NWD1: variants seen among roughly 807,000 people sequenced by gnomAD.
NWD1 encodes NACHT and WD repeat domain containing 1.
Under a neutral mutation model 135.1 loss-of-function variants are expected in NWD1, and 129 were observed. The ratio of observed to expected loss-of-function variants is 0.96; its 90% CI spans 0.83 to 1.11. NWD1 has a LOEUF of 1.11. Among genes scored for constraint, NWD1 ranks in the 50% least tolerant of loss-of-function variants. NWD1 has a pLI of 0.00. For missense variants in NWD1, 1,740 were observed against 1,851.3 expected, an observed-to-expected ratio of 0.94 and a Z score of 1.10; for synonymous variants, 773 against 786.0, an observed-to-expected ratio of 0.98 and a Z score of 0.28.
At position 16,768,149 on chromosome 19, in the gene NWD1, C is replaced by A. The variant is rs111535870; in HGVS notation, c.2410+2957C>A. Among the ~76,000 whole-genome samples, 1,207 of 152,032 alleles carry A rather than the reference C, an allele frequency of 7.9e-3. 12 individuals are homozygous for A. Among genetic ancestry groups the A allele is most frequent in the Non-Finnish European group, 9.8e-3 (668 of 67,968 alleles). ...AGCTGGGATTACAGGTGTGTGCCAC[C>A]ACATGCAGCTAATTTTTGTATTTTT... On this transcript the variant is annotated intron_variant, in intron 10 of 18. Coordinates refer to ENST00000524140, the MANE Select transcript of NWD1 (RefSeq NM_001007525.5).
chr19:16,738,405 C>G (rs1967924663), intron 4 of NWD1: 1 of 245,902 alleles, frequency 4.1e-6, no homozygotes, highest in Admixed American at 4.9e-5. Flanking sequence ...CCCATCTCTA[C>G]TAAAAATACA....
intron 4 of NWD1, among the ~76,000 whole-genome samples, chr19:16,739,351 AAAAAT>A (rs1392939008): frequency 3.3e-5 from 5 of 151,310 alleles, no homozygotes; most frequent in African/African-American, 1.2e-4. Flanking sequence ...AAAAAAAAAA[AAAAAT>A]TATTTTTTTA....
chr19:16,795,814 G>T (rs1383533718), intron 15 of NWD1, among the ~76,000 whole-genome samples: 1 of 152,104 alleles, frequency 6.6e-6, no homozygotes, highest in African/African-American at 2.4e-5. Context: ...GCAGTTCTGG[G>T]ACTGGCTTGG....
chr19:16,782,844 T>C (rs1206822310), intron 12 of NWD1, among the ~76,000 whole-genome samples: 1 of 137,412 alleles, frequency 7.3e-6, no homozygotes, highest in Non-Finnish European at 1.5e-5. Context: ...TGTGTTTCTT[T>C]TTCTTTCTTC....
At chr19:16,725,247 G>C (rs772755053) in intron 2 of NWD1, among the ~76,000 whole-genome samples, 1 of 151,370 alleles carries the variant, frequency 6.6e-6, no homozygotes, top group Non-Finnish European at 1.5e-5. Flanking sequence ...CAAATGATTC[G>C]CCTGTCTTGG....
intron 5 of NWD1, among the ~76,000 whole-genome samples, chr19:16,745,916 CTAAATAAATAAATTAATTAAT>C (rs1759096197): frequency 6.6e-6 from 1 of 151,928 alleles, no homozygotes; most frequent in South Asian, 2.1e-4. Flanking sequence ...GACCCTGTCT[CTAAATAAATAAATTAATTAAT>C]TAAATAAAAT....
Position 16,763,890 on chromosome 19 carries a change from G to A in NWD1, c.2196G>A (p.Leu732=), listed in dbSNP as rs567440214. 4 of 1,614,074 alleles carry A rather than the reference G, an allele frequency of 2.5e-6. No homozygotes were observed. The highest frequency in any genetic ancestry group is 2.2e-5 in the South Asian group (2 of 91,082). Residue 732 remains leucine (L), a synonymous_variant, in exon 9 of 19, where the codon TTG becomes TTA. Transcript: ENST00000524140. ...CAAACCTGCGGAAGCTGAAGGAGTT[G>A]CCCTATCACCTGCTTCACTCGGGCC... ...TVANLRKLKE[L]PYHLLHSGRL...
At chr19:16,776,904 T>C (rs1381226442) in intron 11 of NWD1, among the ~76,000 whole-genome samples, 21 of 134,836 alleles carry the variant, frequency 1.6e-4, no homozygotes, top group Non-Finnish European at 2.5e-4. Flanking sequence ...ATTGTGGCAC[T>C]GCACTCCAGC....
intron 1 of NWD1, among the ~76,000 whole-genome samples, chr19:16,723,855 C>T (rs749085477): frequency 1.3e-5 from 2 of 151,972 alleles, no homozygotes; most frequent in Non-Finnish European, 2.9e-5. Flanking sequence ...ACCGTCATGC[C>T]CGGCTAATTT....
chr19:16,814,654 A>G (rs1008962783), intron 18 of NWD1, among the ~76,000 whole-genome samples: 2 of 152,252 alleles, frequency 1.3e-5, no homozygotes, highest in Non-Finnish European at 2.9e-5. Flanking sequence ...GTATAAAGTT[A>G]CAGATGGCTC....
intron 10 of NWD1, among the ~76,000 whole-genome samples, chr19:16,767,252 T>G (rs1969256907): frequency 1.5e-5 from 2 of 136,410 alleles, no homozygotes; most frequent in Non-Finnish European, 3.1e-5. Context: ...CGATCTCGGC[T>G]CACTGCAAGC....
Position 16,804,451 on chromosome 19 carries a change from C to T in NWD1, c.3737-3135C>T, listed in dbSNP as rs148036796. On this transcript the variant is annotated intron_variant, in intron 17 of 18. Transcript: ENST00000524140. ...CTCTACAAAAAAATTTAAAAGGTAT[C>T]GGGCTTGGTGGTACATGCCTGTAGT... Among the ~76,000 whole-genome samples the T allele has an allele frequency of 5.9e-5, 9 of 151,968 alleles. No homozygotes were observed. The East Asian group carries it at 1.7e-3, about 29-fold the overall frequency.
At chr19:16,746,598 G>A (rs1006978814) in intron 5 of NWD1, among the ~76,000 whole-genome samples, 2 of 151,936 alleles carry the variant, frequency 1.3e-5, no homozygotes, top group East Asian at 1.9e-4. Flanking sequence ...ACTTGAACCC[G>A]GGAGGCAGCG....
At chr19:16,782,550 C>A (rs1024862044) in intron 12 of NWD1, among the ~76,000 whole-genome samples, 1 of 151,960 alleles carries the variant, frequency 6.6e-6, no homozygotes, top group Non-Finnish European at 1.5e-5. Flanking sequence ...ATGACATATT[C>A]AAATTTTTAA....
chr19:16,784,352 C>T (rs1369691295), intron 12 of NWD1, among the ~76,000 whole-genome samples: 1 of 151,938 alleles, frequency 6.6e-6, no homozygotes, highest in Non-Finnish European at 1.5e-5. Context: ...GGTAACACAG[C>T]CAGACCCGTA....
At chr19:16,726,672 C>G (rs915319439) in intron 2 of NWD1, among the ~76,000 whole-genome samples, 6 of 152,172 alleles carry the variant, frequency 3.9e-5, no homozygotes, top group Admixed American at 6.6e-5. Flanking sequence ...CTCCTAACCT[C>G]AAGTGATCCA....
intron 4 of NWD1, among the ~76,000 whole-genome samples, chr19:16,743,062 G>A (rs529288303): frequency 2.0e-5 from 3 of 150,934 alleles, no homozygotes; most frequent in Admixed American, 6.6e-5. Context: ...ACACCTGCAC[G>A]CCACCATGCC....
chr19:16,783,400 C>T (rs1030896616), intron 12 of NWD1, among the ~76,000 whole-genome samples: 3 of 151,998 alleles, frequency 2.0e-5, no homozygotes, highest in Non-Finnish European at 2.9e-5. Context: ...TTTGGGAGGC[C>T]GAGGTGGGTG....
In NWD1 at chr19:16,815,368, T is replaced by TAAC. The variant is rs900593468; in HGVS notation, c.*329_*330insAAC. The TAAC allele has an allele frequency of 2.9e-6, 2 of 679,614 alleles. No homozygotes were observed. Among genetic ancestry groups the TAAC allele is most frequent in the Non-Finnish European group, 5.3e-6 (2 of 374,814 alleles). 42.1% of individuals were successfully genotyped at this position (679,614 alleles called of 1,614,324 possible). On this transcript the variant is annotated 3_prime_UTR_variant, in exon 19 of 19. Transcript: ENST00000524140. Reference sequence around the variant, plus strand: ...AAAAAACCCTGTGGGGGTATGGGGCTCCAGTGAGTTAGCCCCATTTAATCT... The same window carrying TAAC: ...AAAAAACCCTGTGGGGGTATGGGGCTAACCCAGTGAGTTAGCCCCATTTAATCT...
Sources: gnomAD v4.1 joint callset for allele counts (sites outside exome capture counted in the v4.1 genomes callset) on GRCh38, gnomAD v4.1.1 for gene constraint, MANE v1.5 for transcripts, NCBI Gene and HGNC (gene_info 2026-07-23, HGNC 2026-07-21) for gene names.